Variants in SLC22A3 observed in about 807,000 individuals in gnomAD.
SLC22A3 encodes solute carrier family 22 member 3.
Under a neutral mutation model 59.1 loss-of-function variants are expected in SLC22A3, and 51 were observed. The ratio of observed to expected loss-of-function variants is 0.86; its 90% CI spans 0.69 to 1.09. The LOEUF (loss-of-function observed/expected upper bound fraction) is 1.09, where lower values mean the gene tolerates loss of function less well. Ranked by LOEUF, SLC22A3 falls within the 50% of genes least tolerant of loss-of-function variation. The pLI is 0.00. For synonymous variants in SLC22A3, 325 were observed against 292.0 expected (o/e 1.11, Z -1.15); for missense variants, 711 against 726.3 (o/e 0.98, Z 0.24).
chr6:160,353,389 C>G (rs1784724905), intron 1 of SLC22A3, among the ~76,000 whole-genome samples: 1 of 152,142 alleles, frequency 6.6e-6, no homozygotes, highest in Non-Finnish European at 1.5e-5. Flanking sequence ...CTGGGCTAGG[C>G]TGGGGATACA....
At chr6:160,363,487 C>T (rs920660780) in intron 1 of SLC22A3, among the ~76,000 whole-genome samples, 2 of 152,180 alleles carry the variant, frequency 1.3e-5, no homozygotes, top group Non-Finnish European at 2.9e-5. Flanking sequence ...CTCCGGTTGT[C>T]ACCCCTGGCA....
chr6:160,385,678 C>T (rs1350589903), intron 1 of SLC22A3, among the ~76,000 whole-genome samples: 10 of 152,338 alleles, frequency 6.6e-5, no homozygotes, highest in Non-Finnish European at 8.8e-5. Flanking sequence ...CCTCTGCCTT[C>T]CAGCCGACGC....
At chr6:160,449,296 C>A (rs986142320) in intron 10 of SLC22A3, among the ~76,000 whole-genome samples, 1 of 151,928 alleles carries the variant, frequency 6.6e-6, no homozygotes, top group Non-Finnish European at 1.5e-5. Context: ...AAAATCAATA[C>A]CCAACTAACA....
chr6:160,408,986 A>G (rs1466898927), intron 4 of SLC22A3, 65 bp downstream of exon 4: 5 of 1,368,398 alleles, frequency 3.7e-6, no homozygotes, highest in African/African-American at 1.5e-5. Flanking sequence ...CCAAACAGAC[A>G]TGAAAATGAA....
chr6:160,355,281 G>C (rs1272597963), intron 1 of SLC22A3, among the ~76,000 whole-genome samples: 1 of 152,102 alleles, frequency 6.6e-6, no homozygotes, highest in Non-Finnish European at 1.5e-5. Context: ...GCCTCTAAGA[G>C]CATCCTCCCC....
chr6:160,372,258 G>A (rs562927391), intron 1 of SLC22A3, among the ~76,000 whole-genome samples: 8 of 152,030 alleles, frequency 5.3e-5, no homozygotes, highest in Middle Eastern at 3.4e-3. Context: ...ATCTTTGTTG[G>A]TTTAAAGTCT....
chr6:160,404,168 A>G (rs1786907219), intron 2 of SLC22A3, among the ~76,000 whole-genome samples: 1 of 146,712 alleles, frequency 6.8e-6, no homozygotes, highest in Non-Finnish European at 1.5e-5. Flanking sequence ...TTGTCTATGT[A>G]GAAAATCAAA....
At chr6:160,357,056 C>G (rs777387455) in intron 1 of SLC22A3, among the ~76,000 whole-genome samples, 1 of 152,180 alleles carries the variant, frequency 6.6e-6, no homozygotes, top group Non-Finnish European at 1.5e-5. Flanking sequence ...AACATCTGCT[C>G]TAGATTCTAG....
chr6:160,419,376 A>C (rs1213618259), intron 5 of SLC22A3, among the ~76,000 whole-genome samples: 1 of 152,224 alleles, frequency 6.6e-6, no homozygotes, highest in Non-Finnish European at 1.5e-5. Flanking sequence ...CCACACTATG[A>C]TTCCAACTTC....
intron 1 of SLC22A3, among the ~76,000 whole-genome samples, chr6:160,355,502 C>A (rs1009791440): frequency 2.0e-5 from 3 of 152,068 alleles, no homozygotes; most frequent in African/African-American, 7.2e-5. Flanking sequence ...TGGCTCACAC[C>A]TGTAATCCCA....
At chr6:160,362,889 A>G (rs1204206460) in intron 1 of SLC22A3, among the ~76,000 whole-genome samples, 1 of 152,184 alleles carries the variant, frequency 6.6e-6, no homozygotes, top group Non-Finnish European at 1.5e-5. Flanking sequence ...GCCGCGGCCA[A>G]GGAGCCAGGA....
intron 1 of SLC22A3, among the ~76,000 whole-genome samples, chr6:160,383,656 A>G (rs1228493015): frequency 1.3e-5 from 2 of 152,190 alleles, no homozygotes; most frequent in Non-Finnish European, 2.9e-5. Context: ...AAACTCACCA[A>G]TCACCAACCA....
rs997282950 is a variant in SLC22A3, at chr6:160,447,727, G to A, written c.1519G>A (p.Ala507Thr). ...TTTCCCCTATTCCATAGGTATCCTG[G>A]CATCCATCTGTGGTGGCCTTGTGAT... The part of the protein sequence containing the change: ...ELPLIIFGIL[A>T]SICGGLVMLL... Residue 507 changes from alanine to threonine, a missense_variant, in exon 10 of 11, where the codon GCA becomes ACA. Coordinates refer to ENST00000275300, the MANE Select transcript of SLC22A3 (RefSeq NM_021977.4). The A allele has an allele frequency of 1.9e-6, 3 of 1,613,770 alleles. No homozygotes were observed. The highest frequency in any genetic ancestry group is 1.3e-5 in the African/African-American group (1 of 74,870).
chr6:160,370,121 C>T (rs1274046856), intron 1 of SLC22A3, among the ~76,000 whole-genome samples: 1 of 152,222 alleles, frequency 6.6e-6, no homozygotes, highest in Non-Finnish European at 1.5e-5. Flanking sequence ...TCTATAATAG[C>T]TCACAAGGCA....
chr6:160,398,952 C>G (rs1444216368), intron 2 of SLC22A3, among the ~76,000 whole-genome samples: 1 of 152,244 alleles, frequency 6.6e-6, no homozygotes, highest in East Asian at 1.9e-4. Context: ...GTGACTGTAC[C>G]ATTCAGTGGG....
chr6:160,408,642 C>T (rs949633684), intron 3 of SLC22A3, 111 bp from the exon 4 acceptor site: 12 of 978,224 alleles, frequency 1.2e-5, no homozygotes, highest in Middle Eastern at 5.7e-4. Context: ...TGAGTGCTAG[C>T]GTGTTCTAGC....
chr6:160,362,177 G>A (rs1006206284), intron 1 of SLC22A3, among the ~76,000 whole-genome samples: 1 of 152,216 alleles, frequency 6.6e-6, no homozygotes, highest in Non-Finnish European at 1.5e-5. Flanking sequence ...CTCAGAACAC[G>A]TCACATGGAA....
rs1337584136 is a variant in SLC22A3, at chr6:160,359,817, C to CT, written c.429+10970dup. Among the ~76,000 whole-genome samples, 3 of 152,090 alleles carry CT rather than the reference C, an allele frequency of 2.0e-5. No individual in the cohort carries two copies. The East Asian group carries it at 5.8e-4, about 29-fold the overall frequency. On this transcript the variant is annotated intron_variant, in intron 1 of 10. Coordinates refer to ENST00000275300, the MANE Select transcript of SLC22A3 (RefSeq NM_021977.4). ...TATACTTTACATTTCAACAGATAGT[C>CT]TATGTTTGAACAGTGATTTTTTTAT...
At chr6:160,416,466 A>T (rs1158976662) in intron 5 of SLC22A3, among the ~76,000 whole-genome samples, 1 of 125,000 alleles carries the variant, frequency 8.0e-6, no homozygotes, top group African/African-American at 4.3e-5. Context: ...AGGCTTACTT[A>T]AAAAAAAAAA....
Sources: gnomAD v4.1 joint callset for allele counts (sites outside exome capture counted in the v4.1 genomes callset) on GRCh38, gnomAD v4.1.1 for gene constraint, MANE v1.5 for transcripts, NCBI Gene and HGNC (gene_info 2026-07-23, HGNC 2026-07-21) for gene names.